Variants in SERPINB7 observed in about 807,000 individuals in gnomAD.
SERPINB7 encodes serpin family B member 7, also known as serpin B7.
A neutral mutation model predicts 37.4 loss-of-function variants in SERPINB7; 31 were observed. That is an observed-to-expected ratio of 0.83 (90% CI 0.62 to 1.12). The LOEUF (loss-of-function observed/expected upper bound fraction) is 1.12. Among genes scored for constraint, SERPINB7 ranks in the 50% most tolerant of loss-of-function variants. The pLI, the probability that SERPINB7 is intolerant of heterozygous loss-of-function variation, is 0.00. For missense variants in SERPINB7, 521 were observed against 455.3 expected, an observed-to-expected ratio of 1.14 and a Z score of -1.31; for synonymous variants, 163 against 166.1, an observed-to-expected ratio of 0.98 and a Z score of 0.14.
At chr18:63,800,677 A>T (rs1414135931) in intron 6 of SERPINB7, among the ~76,000 whole-genome samples, 189 bp from the exon 7 acceptor site, 1 of 152,212 alleles carries the variant, frequency 6.6e-6, no homozygotes, top group South Asian at 2.1e-4. Flanking sequence ...CAAGGAATCA[A>T]ATTTGAAGTC....
chr18:63,794,351 G>C (rs1006776414), intron 4 of SERPINB7, among the ~76,000 whole-genome samples: 2 of 151,752 alleles, frequency 1.3e-5, no homozygotes, highest in African/African-American at 4.8e-5. Flanking sequence ...CTGACATCTT[G>C]CATGTATCAA....
intron 5 of SERPINB7, among the ~76,000 whole-genome samples, chr18:63,797,976 G>A (rs758076715): frequency 2.8e-4 from 42 of 152,346 alleles, no homozygotes; most frequent in South Asian, 1.2e-3. Context: ...CACAGAAAAA[G>A]TTGGGTGACT....
chr18:63,763,015 A>G (rs1482281416), intron 1 of SERPINB7, among the ~76,000 whole-genome samples: 3 of 152,164 alleles, frequency 2.0e-5, no homozygotes, highest in East Asian at 3.9e-4. Context: ...TACCTCAGTA[A>G]AAGGGGGGTT....
intron 1 of SERPINB7, among the ~76,000 whole-genome samples, chr18:63,779,853 A>C (rs1245326015): frequency 3.3e-5 from 5 of 152,160 alleles, no homozygotes; most frequent in African/African-American, 1.2e-4. Context: ...ACTATTCAAA[A>C]GTATAATTTT....
intron 1 of SERPINB7, among the ~76,000 whole-genome samples, chr18:63,758,505 T>G (rs1167227299): frequency 6.6e-6 from 1 of 152,184 alleles, no homozygotes; most frequent in Non-Finnish European, 1.5e-5. Flanking sequence ...TAGAAACTGG[T>G]TCTAAATAAG....
chr18:63,753,478 A>C (rs2049103664), intron 1 of SERPINB7, among the ~76,000 whole-genome samples: 1 of 152,210 alleles, frequency 6.6e-6, no homozygotes, highest in African/African-American at 2.4e-5. Context: ...AAGCTTATAC[A>C]AGATAGCTCA....
At chr18:63,794,032 G>T (rs773768732) in intron 4 of SERPINB7, among the ~76,000 whole-genome samples, 1 of 150,950 alleles carries the variant, frequency 6.6e-6, no homozygotes, top group Non-Finnish European at 1.5e-5. Flanking sequence ...CAACCTCTGC[G>T]TCTCGGGTTC....
intron 1 of SERPINB7, among the ~76,000 whole-genome samples, chr18:63,758,118 A>C (rs1003893172): frequency 1.3e-5 from 2 of 152,188 alleles, no homozygotes; most frequent in African/African-American, 4.8e-5. Context: ...AAGTACATGC[A>C]TGCATGCACA....
At chr18:63,770,132 G>A (rs1286963449) in intron 1 of SERPINB7, among the ~76,000 whole-genome samples, 1 of 150,412 alleles carries the variant, frequency 6.6e-6, no homozygotes, top group African/African-American at 2.5e-5. Context: ...CAGTGGGGAG[G>A]ATAGAGGGTG....
In SERPINB7 at chr18:63,769,269, A is replaced by G. The variant is rs533959594; in HGVS notation, c.-18-13086A>G. On this transcript the variant is annotated intron_variant, in intron 1 of 7. Transcript: ENST00000336429. ...CTCTAAAAGTTTCTTTATTTTTTCC[A>G]TCATTTTCATTACTACATTTTGATT... Among the ~76,000 whole-genome samples the G allele has an allele frequency of 3.7e-4, 56 of 151,814 alleles. 1 individual carries two copies. Among genetic ancestry groups the G allele is most frequent in the African/African-American group, 1.2e-3 (50 of 41,490 alleles).
At chr18:63,800,739 C>A (rs562933233) in intron 6 of SERPINB7, 127 bp from the exon 7 acceptor site, 3 of 934,096 alleles carry the variant, frequency 3.2e-6, no homozygotes, top group African/African-American at 3.4e-5. Flanking sequence ...GGTAACATGT[C>A]AGGAAAAAAT....
intron 2 of SERPINB7, among the ~76,000 whole-genome samples, chr18:63,784,197 C>A (rs1464989599): frequency 2.0e-5 from 3 of 152,116 alleles, no homozygotes; most frequent in Non-Finnish European, 4.4e-5. Context: ...AGATGGCGGA[C>A]CTGAGATTCA....
Position 63,796,302 on chromosome 18 carries a change from A to G in SERPINB7, c.373A>G (p.Lys125Glu). 1 of 1,613,312 alleles carries G rather than the reference A, an allele frequency of 6.2e-7. No homozygotes were observed. The highest frequency in any genetic ancestry group is 8.5e-7 in the Non-Finnish European group (1 of 1,179,410). ...GTGTGCCGAAAAATTATACGATGCC[A>G]AAGTGGAGCGAGTTGACTTTACGAA... Reference protein sequence around the residue: ...IECAEKLYDAKVERVDFTNHL... With the variant: ...IECAEKLYDAEVERVDFTNHL... Residue 125 changes from lysine (K) to glutamate (E), a missense_variant, in exon 5 of 8, where the codon AAA (lysine) becomes GAA (glutamate). By Grantham distance (56) the Lys-to-Glu change is moderately conservative (BLOSUM62 1). Transcript: ENST00000398019.
At chr18:63,780,594 T>C (rs991668659) in intron 1 of SERPINB7, among the ~76,000 whole-genome samples, 3 of 152,154 alleles carry the variant, frequency 2.0e-5, no homozygotes, top group African/African-American at 7.2e-5. Flanking sequence ...TGCCACAACT[T>C]TTTACCCGGG....
chr18:63,776,217 C>T (rs904414644), intron 1 of SERPINB7, among the ~76,000 whole-genome samples: 1 of 151,892 alleles, frequency 6.6e-6, no homozygotes, highest in East Asian at 1.9e-4. Flanking sequence ...AATGTAGCTA[C>T]ATAAAGATGA....
chr18:63,778,486 T>C (rs1435995966), intron 1 of SERPINB7, among the ~76,000 whole-genome samples: 1 of 152,126 alleles, frequency 6.6e-6, no homozygotes, highest in African/African-American at 2.4e-5. Flanking sequence ...ATTAATTTTC[T>C]ATATACAGGC....
At chr18:63,761,900 C>T (rs887776680) in intron 1 of SERPINB7, among the ~76,000 whole-genome samples, 15 of 152,264 alleles carry the variant, frequency 9.9e-5, no homozygotes, top group African/African-American at 2.9e-4. Context: ...CAGACTAATA[C>T]ACCTGGCGTG....
intron 4 of SERPINB7, among the ~76,000 whole-genome samples, chr18:63,794,465 C>T (rs531693897): frequency 2.0e-5 from 3 of 151,776 alleles, no homozygotes; most frequent in African/African-American, 4.8e-5. Flanking sequence ...CCGAGGCGGG[C>T]GGATCACAAG....
At chr18:63,756,261 T>G (rs1488250381) in intron 1 of SERPINB7, among the ~76,000 whole-genome samples, 1 of 152,168 alleles carries the variant, frequency 6.6e-6, no homozygotes, top group Non-Finnish European at 1.5e-5. Flanking sequence ...TTCTTCCACA[T>G]GTTTTTACCT....
Sources: gnomAD v4.1 joint callset for allele counts (sites outside exome capture counted in the v4.1 genomes callset) on GRCh38, gnomAD v4.1.1 for gene constraint, MANE v1.5 for transcripts, NCBI Gene and HGNC (gene_info 2026-07-23, HGNC 2026-07-21) for gene names.